The following TCF7L2 variants were observed in gnomAD, a reference collection of about 807,000 sequenced individuals.
TCF7L2 encodes the protein transcription factor 7-like 2.
A neutral mutation model predicts 77.9 loss-of-function variants in TCF7L2; 23 were observed. The ratio of observed to expected loss-of-function variants is 0.30; its 90% CI spans 0.21 to 0.42. The LOEUF is 0.42. Ranked by LOEUF, TCF7L2 falls within the 10% of genes least tolerant of loss-of-function variation. The pLI is 1.00. For missense variants in TCF7L2, 654 were observed against 793.1 expected (o/e 0.82, Z 2.11); for synonymous variants, 413 against 340.2 (o/e 1.21, Z -2.36).
chr10:113,113,407 G>C (rs1447955143), intron 5 of TCF7L2, among the ~76,000 whole-genome samples: 1 of 152,128 alleles, frequency 6.6e-6, no homozygotes, highest in Non-Finnish European at 1.5e-5. Flanking sequence ...TAACAAACTG[G>C]TCAGTGGCTA....
At chr10:112,997,268 C>T (rs528848731) in intron 4 of TCF7L2, among the ~76,000 whole-genome samples, 1 of 152,326 alleles carries the variant, frequency 6.6e-6, no homozygotes, top group East Asian at 1.9e-4. Context: ...TTTAGACAGA[C>T]AACAGGGACA....
At chr10:113,110,148 G>C (rs1387254382) in intron 5 of TCF7L2, among the ~76,000 whole-genome samples, 4 of 152,120 alleles carry the variant, frequency 2.6e-5, no homozygotes, top group Non-Finnish European at 4.4e-5. Context: ...TTCTGTTAGA[G>C]AAATCAATTT....
Position 113,151,216 on chromosome 10 carries a change from G to A in TCF7L2, c.1001+93G>A. On this transcript the variant is annotated intron_variant, in intron 9 of 13. Coordinates refer to ENST00000627217, the MANE Select transcript of TCF7L2 (RefSeq NM_001146274.2). The surrounding 1 kb of genome is among the most constrained non-coding windows in gnomAD (Gnocchi z 5.2). Reference sequence around the variant, plus strand: ...GGTGGTGGCTTTCTGCCTAAGGTTGGCCTCGTTTGGTTTGACTGCAGCCAA... The same window carrying A: ...GGTGGTGGCTTTCTGCCTAAGGTTGACCTCGTTTGGTTTGACTGCAGCCAA... 6.4e-7 allele frequency: 1 copy of A among 1,573,874 alleles called. No homozygotes were observed. Among genetic ancestry groups the A allele is most frequent in the Non-Finnish European group, 8.7e-7 (1 of 1,155,870 alleles).
chr10:113,161,634 C>T (rs1227842325), intron 13 of TCF7L2: 1 of 1,535,788 alleles, frequency 6.5e-7, no homozygotes, highest in Admixed American at 2.0e-5. Flanking sequence ...AACACGCTTC[C>T]CTGTTTGTAG....
chr10:113,162,891 G>C (rs563007480), intron 13 of TCF7L2, among the ~76,000 whole-genome samples: 3 of 152,016 alleles, frequency 2.0e-5, no homozygotes, highest in African/African-American at 7.3e-5. Flanking sequence ...TCGAGATGAA[G>C]CCTAGGTTGG....
intron 11 of TCF7L2, chr10:113,157,781 C>G: frequency 2.1e-6 from 1 of 465,280 alleles, no homozygotes; most frequent in Non-Finnish European, 3.9e-6. Context: ...ATGAGAGCTT[C>G]CCTTCACCAC....
chr10:113,161,359 A>G, intron 13 of TCF7L2: 3 of 587,208 alleles, frequency 5.1e-6, no homozygotes, highest in East Asian at 2.9e-5. Flanking sequence ...ATATGTGTGT[A>G]TATATGTAGC....
chr10:112,952,479 G>T (rs1297694454), intron 3 of TCF7L2, among the ~76,000 whole-genome samples: 1 of 152,186 alleles, frequency 6.6e-6, no homozygotes, highest in African/African-American at 2.4e-5. Flanking sequence ...CTGCGGCCCG[G>T]ATTCTTGGTT....
intron 4 of TCF7L2, among the ~76,000 whole-genome samples, chr10:113,031,669 G>A (rs1442266352): frequency 1.8e-4 from 27 of 151,894 alleles, no homozygotes. Flanking sequence ...TATATTTTTT[G>A]GAGAGATGGG....
chr10:113,160,775 G>T, intron 13 of TCF7L2: 1 of 1,298,568 alleles, frequency 7.7e-7, no homozygotes, highest in Non-Finnish European at 1.1e-6. Context: ...TTTTGACCTC[G>T]TTCCCCATCT....
intron 5 of TCF7L2, among the ~76,000 whole-genome samples, chr10:113,069,634 T>C (rs2057701240): frequency 6.6e-6 from 1 of 152,114 alleles, no homozygotes; most frequent in African/African-American, 2.4e-5. Flanking sequence ...TATTTAGAAA[T>C]GGAATTGGGA....
intron 5 of TCF7L2, chr10:113,089,257 T>C (rs2060129610): frequency 4.2e-6 from 4 of 960,184 alleles, no homozygotes; most frequent in Non-Finnish European, 6.0e-6. Context: ...TGATTTGTGC[T>C]GGGAACTGTA....
chr10:112,951,110 A>G, intron 1 of TCF7L2, 97 bp from the exon 2 acceptor site: 9 of 1,047,234 alleles, frequency 8.6e-6, no homozygotes, highest in East Asian at 3.0e-5. Context: ...GTTTTTTTCT[A>G]CCCCCCCCTC....
intron 4 of TCF7L2, among the ~76,000 whole-genome samples, chr10:113,004,313 C>T (rs1464609993): frequency 6.6e-6 from 1 of 152,140 alleles, no homozygotes; most frequent in African/African-American, 2.4e-5. Flanking sequence ...TCTCTGTAGA[C>T]TCCAGGCAAG....
At chr10:113,128,792 G>A (rs1311122000) in intron 5 of TCF7L2, among the ~76,000 whole-genome samples, 1 of 152,030 alleles carries the variant, frequency 6.6e-6, no homozygotes, top group East Asian at 1.9e-4. Context: ...ACGATTTCTG[G>A]CCTGTGATGT....
intron 5 of TCF7L2, among the ~76,000 whole-genome samples, chr10:113,117,175 CAAAT>C (rs1343862649): frequency 1.3e-5 from 2 of 152,166 alleles, no homozygotes; most frequent in Non-Finnish European, 2.9e-5. Context: ...CAGGGGGAAA[CAAAT>C]AACTTAGGGG....
chr10:112,961,832 G>A (rs1487153283), intron 3 of TCF7L2, among the ~76,000 whole-genome samples: 1 of 151,824 alleles, frequency 6.6e-6, no homozygotes, highest in Non-Finnish European at 1.5e-5. Flanking sequence ...CGTGGCTGGG[G>A]GGTGGGGTGG....
chr10:113,039,939 T>G (rs1264921348), intron 4 of TCF7L2, 86 bp from the exon 5 acceptor site: 1 of 1,160,108 alleles, frequency 8.6e-7, no homozygotes, highest in Non-Finnish European at 1.3e-6. Flanking sequence ...TTCTGACCCA[T>G]GTCACAGTTA....
intron 4 of TCF7L2, among the ~76,000 whole-genome samples, chr10:112,973,553 A>G (rs2038747409): frequency 6.6e-6 from 1 of 151,998 alleles, no homozygotes; most frequent in Admixed American, 6.6e-5. Flanking sequence ...ACACTAGAGA[A>G]CAACTATTGT....
Sources: gnomAD v4.1 joint callset for allele counts (sites outside exome capture counted in the v4.1 genomes callset) on GRCh38, gnomAD v4.1.1 for gene constraint, Gnocchi (gnomAD v3.1) non-coding constraint, MANE v1.5 for transcripts, NCBI Gene and HGNC (gene_info 2026-07-23, HGNC 2026-07-21) for gene names.